The following ZNF432 variants were observed in gnomAD, a reference collection of about 807,000 sequenced individuals.
ZNF432 encodes the protein zinc finger protein 432.
Under a neutral mutation model 13.9 loss-of-function variants are expected in ZNF432, and 10 were observed. That is an observed-to-expected ratio of 0.72 (90% CI 0.44 to 1.22). The LOEUF (loss-of-function observed/expected upper bound fraction) is 1.22, where lower values mean the gene tolerates loss of function less well. Ranked by LOEUF, ZNF432 falls within the 50% of genes most tolerant of loss-of-function variation. The pLI, the probability that ZNF432 is intolerant of heterozygous loss-of-function variation, is 0.00. For synonymous variants in ZNF432, 247 were observed against 256.2 expected, an observed-to-expected ratio of 0.96 and a Z score of 0.34; for missense variants, 793 against 796.2, an observed-to-expected ratio of 1.00 and a Z score of 0.05.
At chr19:52,041,237 A>G (rs1166196751) in intron 3 of ZNF432, among the ~76,000 whole-genome samples, 1 of 152,226 alleles carries the variant, frequency 6.6e-6, no homozygotes, top group African/African-American at 2.4e-5. Flanking sequence ...TGTAGGTTAT[A>G]TGCAAATACA....
At chr19:52,044,163 G>A (rs1400711452) in intron 2 of ZNF432, among the ~76,000 whole-genome samples, 1 of 152,046 alleles carries the variant, frequency 6.6e-6, no homozygotes, top group Non-Finnish European at 1.5e-5. Context: ...GAAAAGAACA[G>A]ACTTGCTGAA....
In ZNF432 at chr19:52,033,907, T is replaced by A. The variant is rs746015976; in HGVS notation, c.1772A>T (p.His591Leu). The change falls in exon 5 of 5, where the codon CAT (histidine) becomes CTT (leucine). Residue 591 changes from histidine (H) to leucine (L), a missense_variant. By Grantham distance (99) the His-to-Leu change is moderately conservative (BLOSUM62 -3). Transcript: ENST00000221315. Reference sequence around the variant, plus strand: ...ACATCCATAAGGTTTTTCTCCAGTATGAACTTGCTTATGTAAAGCAAGCTC... The same window carrying A: ...ACATCCATAAGGTTTTTCTCCAGTAAGAACTTGCTTATGTAAAGCAAGCTC... ...ETELALHKQV[H>L]TGEKPYGCNE... 6.2e-7 allele frequency: 1 copy of A among 1,614,050 alleles called. No individual in the cohort carries two copies. The highest frequency in any genetic ancestry group is 8.5e-7 in the Non-Finnish European group (1 of 1,179,990).
At chr19:52,035,953 G>A (rs765817899) in intron 4 of ZNF432, among the ~76,000 whole-genome samples, 7 of 152,198 alleles carry the variant, frequency 4.6e-5, no homozygotes, top group Non-Finnish European at 8.8e-5. Context: ...AAAGCAGTCT[G>A]TGTGCAAATA....
Position 52,035,026 on chromosome 19 carries a change from G to A in ZNF432, c.653C>T (p.Ser218Phe), listed in dbSNP as rs758415765. 1.2e-6 allele frequency: 2 copies of A among 1,613,820 alleles called. No homozygotes were observed. Among genetic ancestry groups the A allele is most frequent in the Non-Finnish European group, 1.7e-6 (2 of 1,179,938 alleles). Reference sequence around the variant, plus strand: ...AACTCTCTCATGATCAGTGAGCTGAGACTTCTTGACAAACGCTTTCCCACA... The same window carrying A: ...AACTCTCTCATGATCAGTGAGCTGAAACTTCTTGACAAACGCTTTCCCACA... Reference protein sequence around the residue: ...SECGKAFVKKSQLTDHERVHT... With the variant: ...SECGKAFVKKFQLTDHERVHT... The change falls in exon 5 of 5, where the codon TCT (serine) becomes TTT (phenylalanine). Residue 218 changes from serine (S) to phenylalanine (F), a missense_variant. Transcript: ENST00000221315.
rs754469427 is a variant in ZNF432, at chr19:52,034,362, AG to A, written c.1316del (p.Thr439MetfsTer2). 6.2e-7 allele frequency: 1 copy of A among 1,613,404 alleles called. No individual in the cohort carries two copies. Reference protein sequence around the residue: ...YLCSECGKGFTVKSMLIIHQR... With the variant: ...YLCSECGKGFXVKSMLIIHQR... ...GATGTATGATGAGCATGCTTTTCAC[AG>A]TAAAACCTTTTCCACATTCACTACA... On this transcript the variant is annotated frameshift_variant, in exon 5 of 5. Transcript: ENST00000221315. LOFTEE classifies it low-confidence loss of function (END_TRUNC).
At position 52,046,899 on chromosome 19, in the gene ZNF432, T is replaced by C. The variant is rs2087189552; in HGVS notation, c.-31A>G. The C allele has an allele frequency of 6.2e-7, 1 of 1,611,774 alleles. No homozygotes were observed. The highest frequency in any genetic ancestry group is 1.3e-5 in the African/African-American group (1 of 74,850). ...TCTGTTGTGGGAAATGGCCAGCACC[T>C]GGGATACTCTGTCTTTGTCTCCTCT... On this transcript the variant is annotated 5_prime_UTR_variant, in exon 2 of 5. Transcript: ENST00000221315.
intron 4 of ZNF432, among the ~76,000 whole-genome samples, chr19:52,037,783 C>G (rs555286751): frequency 8.2e-6 from 1 of 122,320 alleles, no homozygotes; most frequent in Non-Finnish European, 1.6e-5. Flanking sequence ...AAGTGAGACT[C>G]TACCTTAAAA....
chr19:52,046,007 C>CAAAAAAAAAAAAAAAAAAAA (rs201110474), intron 2 of ZNF432, among the ~76,000 whole-genome samples: 1 of 87,064 alleles, frequency 1.1e-5, no homozygotes, highest in Non-Finnish European at 2.4e-5. Flanking sequence ...AAACAAAAAC[C>CAAAAAAAAAAAAAAAAAAAA]AAAAAAAAAA....
At chr19:52,046,796 C>A (rs113173256) in intron 2 of ZNF432, 58 bp downstream of exon 2, 27 of 1,528,784 alleles carry the variant, frequency 1.8e-5, no homozygotes, top group Admixed American at 3.8e-5. Flanking sequence ...TGATTTCTTA[C>A]GGGTCTCTAC....
chr19:52,033,761 G>A lies in ZNF432; in HGVS notation c.1918C>T (p.Leu640Phe). 1 of 1,605,890 alleles carries A rather than the reference G, an allele frequency of 6.2e-7. No individual in the cohort carries two copies. ...CRKAFSSKRN[L>F]IVHQRTHNGN... ...TTATGAGTTCGCTGATGTACAATGAGATTTCTCTTTGAGGAGAAGGCTTTT... is the reference window on the plus strand; with the variant it reads ...TTATGAGTTCGCTGATGTACAATGAAATTTCTCTTTGAGGAGAAGGCTTTT... The change falls in exon 5 of 5, where the codon CTC becomes TTC. Residue 640 changes from leucine (L) to phenylalanine (F), a missense_variant. Leu to Phe is a conservative substitution (Grantham distance 22). Transcript: ENST00000221315.
intron 2 of ZNF432, among the ~76,000 whole-genome samples, chr19:52,044,292 T>G (rs900354719): frequency 1.3e-5 from 2 of 152,110 alleles, no homozygotes; most frequent in African/African-American, 2.4e-5. Context: ...AAAATAAGTT[T>G]TTCCTGTTTA....
chr19:52,033,871 C>A lies in ZNF432; in HGVS notation c.1808G>T (p.Gly603Val). ...ACGGCTCTTCATAGTGAAGCCTTTA[C>A]CACATTCATTACATCCATAAGGTTT... ...GEKPYGCNEC[G>V]KGFTMKSRLI... The change falls in exon 5 of 5, where the codon GGT (glycine) becomes GTT (valine). Residue 603 changes from glycine (G) to valine (V), a missense_variant. Transcript: ENST00000221315. 1 of 1,614,088 alleles carries A rather than the reference C, an allele frequency of 6.2e-7. No homozygotes were observed. The highest frequency in any genetic ancestry group is 8.5e-7 in the Non-Finnish European group (1 of 1,180,016).
rs1168018323 is a variant in ZNF432, at chr19:52,034,635, A to C, written c.1044T>G (p.Ser348Arg). 6.2e-7 allele frequency: 1 copy of C among 1,613,280 alleles called. No homozygotes were observed. The highest frequency in any genetic ancestry group is 1.3e-5 in the African/African-American group (1 of 74,778). ...THTGEKPYIC[S>R]ECGKGFTTKH... ...TTGTGGTGAAGCCTTTCCCACATTC[A>C]CTACAGATGTAGGGCTTCTCTCCTG... Residue 348 changes from serine (S) to arginine (R), a missense_variant, in exon 5 of 5, where the codon AGT (serine) becomes AGG (arginine). Ser to Arg is a moderately radical substitution (Grantham distance 110). Transcript: ENST00000221315.
Position 52,040,578 on chromosome 19 carries a change from G to A in ZNF432, c.148C>T (p.Gln50Ter). The stretch of plus-strand genomic sequence containing the variant: ...GAGAGTGCATCTGGTTTGCTGACTT[G>A]ATAACCTGTTTACGGGAAATAATAG... ...IYSNLLSMGY[Q>*]VSKPDALSKL... The change falls in exon 4 of 5, where the codon CAA (glutamine) becomes TAA (stop). Residue 50 changes from glutamine (Q) to a stop codon, truncating the protein, a stop_gained. Transcript: ENST00000221315. LOFTEE classifies it high-confidence loss of function. The A allele has an allele frequency of 6.2e-7, 1 of 1,613,944 alleles. No homozygotes were observed. The highest frequency in any genetic ancestry group is 8.5e-7 in the Non-Finnish European group (1 of 1,179,890).
Position 52,035,433 on chromosome 19 carries a change from G to T in ZNF432, c.246C>A (p.Asn82Lys). The T allele has an allele frequency of 1.3e-6, 2 of 1,533,356 alleles. No individual in the cohort carries two copies. The highest frequency in any genetic ancestry group is 1.7e-6 in the Non-Finnish European group (2 of 1,145,880). The allele number at this position is 1,533,356 out of a possible 1,614,324, so 95.0% of individuals were successfully genotyped here. ...ERHSRICPEN[N>K]EVDDHLQDHL... ...GATCCTGCAGATGATCATCAACTTC[G>T]TTGTTTTCTAGGAAAGAAGAGAACA... The change falls in exon 5 of 5, where the codon AAC becomes AAA. Residue 82 changes from asparagine (N) to lysine (K), a missense_variant. Transcript: ENST00000221315.
chr19:52,048,178 C>CAAAAAAAAAAAA (rs1446041557), intron 1 of ZNF432, among the ~76,000 whole-genome samples: 1 of 143,930 alleles, frequency 6.9e-6, no homozygotes, highest in African/African-American at 2.8e-5. Flanking sequence ...CACACACACA[C>CAAAAAAAAAAAA]ACACAAAACC....
At chr19:52,037,390 G>A (rs553496403) in intron 4 of ZNF432, among the ~76,000 whole-genome samples, 2 of 152,338 alleles carry the variant, frequency 1.3e-5, no homozygotes, top group African/African-American at 4.8e-5. Flanking sequence ...AACAATGATA[G>A]GGAATTTTGC....
chr19:52,042,998 T>C (rs562867193), intron 2 of ZNF432, among the ~76,000 whole-genome samples: 1 of 152,340 alleles, frequency 6.6e-6, no homozygotes, highest in East Asian at 1.9e-4. Context: ...TTGTATGGTA[T>C]GGCCTAGCCC....
chr19:52,044,822 G>A (rs980280706), intron 2 of ZNF432, among the ~76,000 whole-genome samples: 6 of 152,154 alleles, frequency 3.9e-5, no homozygotes, highest in Non-Finnish European at 8.8e-5. Flanking sequence ...TTTCATGTAT[G>A]ACTTTAGACA....
Sources: allele counts gnomAD v4.1 joint callset (sites outside exome capture counted in the v4.1 genomes callset), GRCh38; gene constraint gnomAD v4.1.1; transcripts MANE v1.5; gene names NCBI Gene and HGNC (gene_info 2026-07-23, HGNC 2026-07-21).